CLSTN2: variants seen among roughly 807,000 people sequenced by gnomAD.
CLSTN2 encodes calsyntenin-2.
A neutral mutation model predicts 101.2 loss-of-function variants in CLSTN2; 48 were observed. The ratio of observed to expected loss-of-function variants is 0.47; its 90% CI spans 0.38 to 0.60. The LOEUF (loss-of-function observed/expected upper bound fraction) is 0.60. CLSTN2 is among the 20% of genes least tolerant of loss of function. The pLI, the probability that CLSTN2 is intolerant of heterozygous loss-of-function variation, is 0.00. For synonymous variants in CLSTN2, 481 were observed against 463.6 expected, an observed-to-expected ratio of 1.04 and a Z score of -0.48; for missense variants, 1,160 against 1,238.2, an observed-to-expected ratio of 0.94 and a Z score of 0.95.
At chr3:139,941,614 G>T (rs996028732) in intron 1 of CLSTN2, among the ~76,000 whole-genome samples, 4 of 152,120 alleles carry the variant, frequency 2.6e-5, no homozygotes, top group African/African-American at 7.2e-5. Flanking sequence ...GAAGAAGTTG[G>T]CAACAATAGA....
At chr3:140,424,344 G>T (rs1455794561) in intron 5 of CLSTN2, among the ~76,000 whole-genome samples, 1 of 152,156 alleles carries the variant, frequency 6.6e-6, no homozygotes. Context: ...AGGCCATAAG[G>T]CCTTTCTAGC....
intron 2 of CLSTN2, among the ~76,000 whole-genome samples, chr3:140,306,719 T>G (rs1257815153): frequency 6.6e-6 from 1 of 152,138 alleles, no homozygotes; most frequent in African/African-American, 2.4e-5. Flanking sequence ...GTCTCTAGTT[T>G]CAGCACCCAC....
intron 1 of CLSTN2, among the ~76,000 whole-genome samples, chr3:140,017,381 T>A (rs1241623285): frequency 1.3e-5 from 2 of 152,026 alleles, no homozygotes; most frequent in Non-Finnish European, 2.9e-5. Flanking sequence ...GCAAGGAGAA[T>A]GGGTTGGATA....
chr3:139,969,681 T>C (rs1201662353), intron 1 of CLSTN2, among the ~76,000 whole-genome samples: 1 of 152,208 alleles, frequency 6.6e-6, no homozygotes, highest in East Asian at 1.9e-4. Context: ...CTCTCCTGCC[T>C]GCTGCTTTGT....
chr3:140,331,715 A>T (rs1486280410), intron 2 of CLSTN2, among the ~76,000 whole-genome samples: 1 of 152,108 alleles, frequency 6.6e-6, no homozygotes, highest in Non-Finnish European at 1.5e-5. Flanking sequence ...TAACCCTGTA[A>T]CCAAGGCAGT....
chr3:140,316,060 G>T (rs1241819645), intron 2 of CLSTN2, among the ~76,000 whole-genome samples: 3 of 152,190 alleles, frequency 2.0e-5, no homozygotes, highest in African/African-American at 7.2e-5. Flanking sequence ...TCACTCATTT[G>T]GTAGGCATCT....
chr3:140,266,908 G>A (rs534631087), intron 2 of CLSTN2, among the ~76,000 whole-genome samples: 72 of 152,312 alleles, frequency 4.7e-4, no homozygotes, highest in African/African-American at 1.5e-3. Flanking sequence ...GTTGTTAGTT[G>A]TTGTCTGGAA....
chr3:140,217,367 A>G (rs1377618077), intron 2 of CLSTN2, among the ~76,000 whole-genome samples: 1 of 152,212 alleles, frequency 6.6e-6, no homozygotes, highest in Non-Finnish European at 1.5e-5. Flanking sequence ...ATGGCTGCCC[A>G]AGGAGCTGTA....
chr3:140,522,385 G>C (rs181537816), intron 8 of CLSTN2, among the ~76,000 whole-genome samples: 228 of 152,324 alleles, frequency 1.5e-3, no homozygotes, highest in Non-Finnish European at 2.5e-3. Context: ...GCCTGAGGCC[G>C]TATGGCCTCG....
intron 8 of CLSTN2, among the ~76,000 whole-genome samples, chr3:140,526,789 AC>A: frequency 6.6e-6 from 1 of 152,140 alleles, no homozygotes; most frequent in East Asian, 1.9e-4. Context: ...CTGCACATCT[AC>A]AGCCATCTGA....
At chr3:140,089,348 T>C (rs1363231815) in intron 1 of CLSTN2, among the ~76,000 whole-genome samples, 1 of 152,220 alleles carries the variant, frequency 6.6e-6, no homozygotes. Context: ...TTGGATTATG[T>C]GGCTTCTGAG....
At chr3:139,971,802 A>G (rs1186223735) in intron 1 of CLSTN2, among the ~76,000 whole-genome samples, 1 of 152,110 alleles carries the variant, frequency 6.6e-6, no homozygotes, top group Admixed American at 6.5e-5. Flanking sequence ...AGGATGGGAG[A>G]CATGGATTCT....
intron 1 of CLSTN2, among the ~76,000 whole-genome samples, chr3:139,977,055 G>T (rs1317281558): frequency 6.6e-6 from 1 of 152,154 alleles, no homozygotes; most frequent in South Asian, 2.1e-4. Context: ...AGGAATCAGT[G>T]GGGGAGAAAA....
At chr3:140,335,429 T>A (rs2087430312) in intron 2 of CLSTN2, among the ~76,000 whole-genome samples, 1 of 150,666 alleles carries the variant, frequency 6.6e-6, no homozygotes, top group Non-Finnish European at 1.5e-5. Flanking sequence ...CAGAGATGTG[T>A]GCATTTGCTC....
chr3:140,160,660 T>C (rs1263074205), intron 1 of CLSTN2, among the ~76,000 whole-genome samples: 2 of 152,142 alleles, frequency 1.3e-5, no homozygotes, highest in Admixed American at 6.6e-5. Flanking sequence ...TCTTGTCTTA[T>C]TATCCCCAGA....
rs145225696 is a variant in CLSTN2, at chr3:139,953,931, T to TTGTGTGTGTGTGTGTGTGTG, written c.109+18452_109+18471dup. Among the ~76,000 whole-genome samples, 986 of 147,476 alleles carry TTGTGTGTGTGTGTGTGTGTG rather than the reference T, an allele frequency of 6.7e-3. 9 individuals are homozygous for TTGTGTGTGTGTGTGTGTGTG. The highest frequency in any genetic ancestry group is 0.019 in the African/African-American group (736 of 39,608). On this transcript the variant is annotated intron_variant, in intron 1 of 16. Transcript: ENST00000458420. ...AGAGAAGGGCTCTGTGTGTGTGTGTTTGTGTGTGTGTGTGTGTGTGTGTTT... is the reference window on the plus strand; with the variant it reads ...AGAGAAGGGCTCTGTGTGTGTGTGTTTGTGTGTGTGTGTGTGTGTGTGTGTGTGTGTGTGTGTGTGTGTTT...
At chr3:140,095,661 C>G (rs2008857404) in intron 1 of CLSTN2, among the ~76,000 whole-genome samples, 1 of 152,186 alleles carries the variant, frequency 6.6e-6, no homozygotes, top group Non-Finnish European at 1.5e-5. Flanking sequence ...TGTATGGAGA[C>G]TTTTCCTGCA....
chr3:140,556,017 G>A (rs955989951), intron 10 of CLSTN2, among the ~76,000 whole-genome samples: 1 of 152,168 alleles, frequency 6.6e-6, no homozygotes, highest in African/African-American at 2.4e-5. Context: ...GAGAGAGAAA[G>A]AAAGCCATTA....
intron 5 of CLSTN2, among the ~76,000 whole-genome samples, chr3:140,443,330 T>C (rs564414728): frequency 2.0e-5 from 3 of 152,250 alleles, no homozygotes; most frequent in Non-Finnish European, 4.4e-5. Flanking sequence ...ACGTCTTAGA[T>C]TACAACAGCG....
Sources: gnomAD v4.1 joint callset for allele counts (sites outside exome capture counted in the v4.1 genomes callset) on GRCh38, gnomAD v4.1.1 for gene constraint, MANE v1.5 for transcripts, NCBI Gene and HGNC (gene_info 2026-07-23, HGNC 2026-07-21) for gene names.